Variants in CNTLN observed in about 807,000 individuals in gnomAD.
CNTLN encodes the protein centlein, also known as centlein, centrosomal protein.
In CNTLN, 212 loss-of-function variants were observed where a neutral mutation model predicts 180.0. That is an observed-to-expected ratio of 1.18 (90% CI 1.05 to 1.32). CNTLN has a LOEUF of 1.32. CNTLN is among the 40% of genes most tolerant of loss of function. CNTLN has a pLI of 0.00. For missense variants in CNTLN, 2,095 were observed against 1,610.9 expected, an observed-to-expected ratio of 1.30 and a Z score of -5.14; for synonymous variants, 722 against 563.1, an observed-to-expected ratio of 1.28 and a Z score of -3.99.
chr9:17,163,161 A>G (rs961810703), intron 2 of CNTLN, among the ~76,000 whole-genome samples: 1 of 152,182 alleles, frequency 6.6e-6, no homozygotes, highest in African/African-American at 2.4e-5. Flanking sequence ...GTTCACTATC[A>G]TAAGAATGGG....
At chr9:17,461,407 A>C (rs1384794297) in intron 19 of CNTLN, among the ~76,000 whole-genome samples, 1 of 151,798 alleles carries the variant, frequency 6.6e-6, no homozygotes, top group Non-Finnish European at 1.5e-5. Context: ...AATATGGTAG[A>C]AATTTTGATT....
In CNTLN at chr9:17,465,993, A is replaced by G; in HGVS notation, c.3544A>G (p.Thr1182Ala). ...GCTTTTAATGTAGGTAAAGACATTAACTGAAGAATGTTCCAACAAGAAGGT... is the reference window on the plus strand; with the variant it reads ...GCTTTTAATGTAGGTAAAGACATTAGCTGAAGAATGTTCCAACAAGAAGGT... ...QNLDKKVKTLTEECSNKKVSI... is the reference protein window; with the variant it reads ...QNLDKKVKTLAEECSNKKVSI... Residue 1182 changes from threonine (T) to alanine (A), a missense_variant, in exon 22 of 26, where the codon ACT (threonine) becomes GCT (alanine). Transcript: ENST00000380647. 1.9e-6 allele frequency: 3 copies of G among 1,602,978 alleles called. No homozygotes were observed. Among genetic ancestry groups the G allele is most frequent in the South Asian group, 2.2e-5 (2 of 89,894 alleles).
At chr9:17,293,766 C>T (rs1227088025) in intron 6 of CNTLN, among the ~76,000 whole-genome samples, 1 of 152,074 alleles carries the variant, frequency 6.6e-6, no homozygotes, top group Admixed American at 6.5e-5. Context: ...AGTTGGTAGT[C>T]GTAGGTAGTC....
chr9:17,358,445 A>G (rs888354835), intron 12 of CNTLN, among the ~76,000 whole-genome samples: 1 of 152,126 alleles, frequency 6.6e-6, no homozygotes, highest in Admixed American at 6.5e-5. Flanking sequence ...ATTTTTGTAG[A>G]TGTATATGTA....
At chr9:17,176,349 G>A (rs938477316) in intron 2 of CNTLN, among the ~76,000 whole-genome samples, 3 of 151,930 alleles carry the variant, frequency 2.0e-5, no homozygotes, top group African/African-American at 7.3e-5. Context: ...CACTTGATAT[G>A]ACCAGGAGAT....
chr9:17,211,417 T>G (rs1170212053), intron 2 of CNTLN, among the ~76,000 whole-genome samples: 5 of 151,972 alleles, frequency 3.3e-5, no homozygotes, highest in African/African-American at 1.2e-4. Context: ...TGGTGATATC[T>G]CTGTTTTGGT....
rs1365193854 is a variant in CNTLN at position 17,346,215 on chromosome 9, A to C, written c.1886+3771A>C. ...GTGAAGGGGGAAGAGTCCCATATAAAACCATCAGATCTCACTAGCATGAGA... is the reference window on the plus strand; with the variant it reads ...GTGAAGGGGGAAGAGTCCCATATAACACCATCAGATCTCACTAGCATGAGA... On this transcript the variant is annotated intron_variant, in intron 12 of 25. Coordinates refer to ENST00000380647, the MANE Select transcript of CNTLN (RefSeq NM_017738.4). Among the ~76,000 whole-genome samples, 5 of 152,016 alleles carry C rather than the reference A, an allele frequency of 3.3e-5. No individual in the cohort carries two copies. In the East Asian group the frequency reaches 9.7e-4, roughly 29 times the overall value.
At chr9:17,262,922 T>C (rs1181995116) in intron 5 of CNTLN, among the ~76,000 whole-genome samples, 2 of 151,246 alleles carry the variant, frequency 1.3e-5, no homozygotes, top group African/African-American at 4.9e-5. Context: ...TCATGAAGGG[T>C]TGTTAGATTT....
chr9:17,192,951 T>C (rs1470746887), intron 2 of CNTLN, among the ~76,000 whole-genome samples: 1 of 152,050 alleles, frequency 6.6e-6, no homozygotes, highest in Non-Finnish European at 1.5e-5. Context: ...CTCAGAATCA[T>C]GGTGGGAGGC....
At position 17,342,525 on chromosome 9, in the gene CNTLN, A is replaced by G. The variant is rs540451979; in HGVS notation, c.1886+81A>G. 5.7e-6 allele frequency: 7 copies of G among 1,234,688 alleles called. No homozygotes were observed. In the African/African-American group the frequency reaches 7.7e-5, roughly 14 times the overall value. The allele number at this position is 1,234,688 out of a possible 1,614,324, so 76.5% of individuals were successfully genotyped here. A position where few individuals can be genotyped will look rare whatever the true frequency, so the allele number is the denominator to read the frequency against. Reference sequence around the variant, plus strand: ...TCATGGCTTAAAAGCTATTAAAGAAACACTTTATAAAATTTGAAATAATCT... The same window carrying G: ...TCATGGCTTAAAAGCTATTAAAGAAGCACTTTATAAAATTTGAAATAATCT... On this transcript the variant is annotated intron_variant, in intron 12 of 25. Transcript: ENST00000380647.
chr9:17,223,064 C>T (rs370754086), intron 2 of CNTLN, among the ~76,000 whole-genome samples: 19 of 151,972 alleles, frequency 1.3e-4, no homozygotes, highest in African/African-American at 3.4e-4. Context: ...ATGTACACTA[C>T]GTTTTTTCCT....
chr9:17,167,856 T>C (rs773929980), intron 2 of CNTLN: 2 of 152,192 alleles, frequency 1.3e-5, no homozygotes, highest in East Asian at 1.9e-4. Flanking sequence ...ACACCTGCCA[T>C]GTAAACACTG....
intron 15 of CNTLN, among the ~76,000 whole-genome samples, chr9:17,398,394 A>G (rs1826698353): frequency 6.6e-6 from 1 of 152,136 alleles, no homozygotes. Flanking sequence ...GTATTTTTAG[A>G]AAGTGATGGG....
At chr9:17,369,302 C>G (rs1012964360) in intron 13 of CNTLN, among the ~76,000 whole-genome samples, 2 of 152,066 alleles carry the variant, frequency 1.3e-5, no homozygotes, top group South Asian at 2.1e-4. Flanking sequence ...GCCTCCCCAG[C>G]CATGCTGAGT....
chr9:17,477,780 A>G (rs566759745), intron 23 of CNTLN, among the ~76,000 whole-genome samples: 3 of 152,344 alleles, frequency 2.0e-5, no homozygotes, highest in South Asian at 2.1e-4. Context: ...AACGCTGTGA[A>G]CATTGTAGAA....
At chr9:17,524,991 A>G in the CNTLN span, among the ~76,000 whole-genome samples, 2 of 152,226 alleles carry the variant, frequency 1.3e-5, no homozygotes, top group Non-Finnish European at 2.9e-5. Flanking sequence ...CTCTGTGACC[A>G]TCAGAAATAA....
intron 5 of CNTLN, among the ~76,000 whole-genome samples, chr9:17,257,130 T>C (rs62558299): frequency 2.0e-5 from 3 of 148,862 alleles, no homozygotes; most frequent in Non-Finnish European, 4.5e-5. Context: ...TCCCCCCTCC[T>C]CCCACCCCAC....
chr9:17,486,216 T>C (rs1179447616), intron 24 of CNTLN, among the ~76,000 whole-genome samples: 1 of 152,160 alleles, frequency 6.6e-6, no homozygotes, highest in East Asian at 1.9e-4. Flanking sequence ...CTTTACACTA[T>C]ATCGAACTGT....
intron 18 of CNTLN, among the ~76,000 whole-genome samples, chr9:17,419,800 A>G (rs549706503): frequency 3.6e-4 from 55 of 152,340 alleles, no homozygotes; most frequent in African/African-American, 1.3e-3. Context: ...ATCCTCTTCT[A>G]CCTGTCTCTG....
Sources: allele counts gnomAD v4.1 joint callset (sites outside exome capture counted in the v4.1 genomes callset), GRCh38; gene constraint gnomAD v4.1.1; transcripts MANE v1.5; gene names NCBI Gene and HGNC (gene_info 2026-07-23, HGNC 2026-07-21).